PLCXD1: variants seen among roughly 807,000 people sequenced by gnomAD.
PLCXD1 encodes the protein PI-PLC X domain-containing protein 1.
In PLCXD1, 45 loss-of-function variants were observed where a neutral mutation model predicts 37.8. That is an observed-to-expected ratio of 1.19 (90% CI 0.94 to 1.53). The LOEUF (loss-of-function observed/expected upper bound fraction) is 1.53. Ranked by LOEUF, PLCXD1 falls within the 40% of genes most tolerant of loss-of-function variation. PLCXD1 has a pLI of 0.00. For synonymous variants in PLCXD1, 246 were observed against 206.9 expected (o/e 1.19, Z -1.62); for missense variants, 539 against 454.7 (o/e 1.19, Z -1.69).
Position 284,374 on chromosome X carries a change from G to A in PLCXD1, c.127+60G>A, listed in dbSNP as rs1344994025. ...ATCCCAGGTGACGGCAGGGTGGGGCGGGAGCTGTGGCGTCTGCATTCCCCA... is the reference window on the plus strand; with the variant it reads ...ATCCCAGGTGACGGCAGGGTGGGGCAGGAGCTGTGGCGTCTGCATTCCCCA... On this transcript the variant is annotated intron_variant, in intron 2 of 6. Transcript: ENST00000381657. 2.1e-5 allele frequency: 33 copies of A among 1,593,854 alleles called. 1 individual carries two copies. Among genetic ancestry groups the A allele is most frequent in the South Asian group, 1.5e-4 (14 of 90,332 alleles).
chrX:292,922 T>C, intron 5 of PLCXD1, 113 bp from the exon 6 acceptor site: 2 of 679,482 alleles, frequency 2.9e-6, no homozygotes, highest in Non-Finnish European at 4.9e-6. Context: ...CAGAATTTCA[T>C]TTTTGGTTTA....
At chrX:283,523 A>AGTGGGGGCGGCCATGGTGTCAGGCCCGG (rs1557375328) in intron 1 of PLCXD1, 10,464 of 93,696 alleles carry the variant, frequency 0.11, 1,883 homozygotes, top group Non-Finnish European at 0.13. Context: ...GCCTGAGGGT[A>AGTGGGGGCGGCCATGGTGTCAGGCCCGG]GTGGGGGCGG....
chrX:295,898 T>C (rs965344655), intron 6 of PLCXD1, among the ~76,000 whole-genome samples: 1 of 152,002 alleles, frequency 6.6e-6, no homozygotes, highest in Admixed American at 6.6e-5. Context: ...TAGAGTGCAA[T>C]GGCGCAATCT....
At chrX:285,909 G>A (rs1461245763) in intron 2 of PLCXD1, among the ~76,000 whole-genome samples, 1 of 152,110 alleles carries the variant, frequency 6.6e-6, no homozygotes, top group Non-Finnish European at 1.5e-5. Context: ...CGTCGAGACG[G>A]GAGCTTCTAA....
chrX:286,274 A>G lies in PLCXD1; in HGVS notation c.127+1960A>G, dbSNP rs1290195927. Among the ~76,000 whole-genome samples the G allele has an allele frequency of 6.6e-5, 10 of 152,152 alleles. No homozygotes were observed. The East Asian group carries it at 1.5e-3, about 23-fold the overall frequency. ...GAGATGGGGTTTCACCATGTTGGTC[A>G]AGCTGGTCTCGAACTCCCGACCTCA... On this transcript the variant is annotated intron_variant, in intron 2 of 6. Coordinates refer to ENST00000381657, the MANE Select transcript of PLCXD1 (RefSeq NM_018390.4).
At chrX:292,402 T>C (rs2069666593) in intron 5 of PLCXD1, among the ~76,000 whole-genome samples, 1 of 151,852 alleles carries the variant, frequency 6.6e-6, no homozygotes, top group African/African-American at 2.4e-5. Flanking sequence ...GAGGTTGCAG[T>C]GAGCCGAGAT....
intron 2 of PLCXD1, among the ~76,000 whole-genome samples, chrX:287,691 A>C (rs1256978277): frequency 1.4e-5 from 2 of 144,410 alleles, no homozygotes; most frequent in Non-Finnish European, 3.0e-5. Context: ...TTGTTTATAG[A>C]TATAGATACT....
intron 1 of PLCXD1, among the ~76,000 whole-genome samples, chrX:282,934 TTATATA>T (rs199798753): frequency 8.4e-6 from 1 of 118,362 alleles, no homozygotes; most frequent in South Asian, 2.5e-4. Flanking sequence ...TACATGTATG[TTATATA>T]TATATTATAT....
At chrX:286,879 A>G (rs943356109) in intron 2 of PLCXD1, among the ~76,000 whole-genome samples, 3 of 151,888 alleles carry the variant, frequency 2.0e-5, no homozygotes, top group African/African-American at 7.3e-5. Context: ...GGGCAGCAGG[A>G]GAAGTACTGG....
chrX:290,345 G>A lies in PLCXD1; in HGVS notation c.265-303G>A, dbSNP rs758321507. 3.9e-5 allele frequency among the ~76,000 whole-genome samples: 6 copies of A among 152,032 alleles called. No homozygotes were observed. The East Asian group carries it at 7.8e-4, about 20-fold the overall frequency. ...CTGGGGAGGCTGAGGCAGGAGAACG[G>A]CATGAACCCGGGAGGCGGAGCTTGC... On this transcript the variant is annotated intron_variant, in intron 3 of 6. Transcript: ENST00000381657.
At chrX:282,912 GTA>G (rs977791694) in intron 1 of PLCXD1, among the ~76,000 whole-genome samples, 59 of 140,568 alleles carry the variant, frequency 4.2e-4, no homozygotes, top group South Asian at 1.5e-3. Context: ...TATTATATAT[GTA>G]TATATGTTAT....
chrX:297,554 C>T (rs1286762977), intron 6 of PLCXD1, among the ~76,000 whole-genome samples: 1 of 52,078 alleles, frequency 1.9e-5, no homozygotes, highest in Non-Finnish European at 3.5e-5. Context: ...TCTTTGGGGA[C>T]ATTATTCTGT....
upstream of PLCXD1, among the ~76,000 whole-genome samples, chrX:279,757 G>A (rs1302694973): frequency 1.3e-5 from 2 of 148,884 alleles, no homozygotes; most frequent in East Asian, 2.0e-4. Flanking sequence ...CTGCGCAACA[G>A]AGCGAGACCC....
intron 3 of PLCXD1, among the ~76,000 whole-genome samples, chrX:289,438 C>T (rs1377028018): frequency 1.3e-5 from 2 of 151,728 alleles, no homozygotes; most frequent in African/African-American, 4.8e-5. Flanking sequence ...CGCAGGCCTC[C>T]ACTGAGAGCT....
At chrX:288,601 C>A (rs1490530578) in intron 2 of PLCXD1, 132 bp from the exon 3 acceptor site, 9 of 954,938 alleles carry the variant, frequency 9.4e-6, no homozygotes, top group Non-Finnish European at 1.5e-5. Context: ...CAGCGTGCAC[C>A]CCTCCCGCCA....
chrX:280,295 G>GC (rs2069235775), upstream of PLCXD1, among the ~76,000 whole-genome samples: 1 of 137,826 alleles, frequency 7.3e-6, no homozygotes, highest in African/African-American at 2.7e-5. Context: ...TGCAGGAGGA[G>GC]GGGAGGCCGT....
chrX:289,869 T>C (rs2069574262), intron 3 of PLCXD1, among the ~76,000 whole-genome samples: 1 of 152,104 alleles, frequency 6.6e-6, no homozygotes, highest in East Asian at 1.9e-4. Context: ...CTCGTGTCTT[T>C]AGGACCTGAG....
chrX:293,486 G>A lies in PLCXD1; in HGVS notation c.733+268G>A, dbSNP rs747014600. Among the ~76,000 whole-genome samples the A allele has an allele frequency of 7.9e-5, 12 of 152,250 alleles. No individual in the cohort carries two copies. In the East Asian group the frequency reaches 1.2e-3, roughly 15 times the overall value. ...TAGAAATAAAACTTAGCGGCCGGGC[G>A]CAGTGGTTCATGCCTGTCATCCTAG... On this transcript the variant is annotated intron_variant, in intron 6 of 6. Coordinates refer to ENST00000381657, the MANE Select transcript of PLCXD1 (RefSeq NM_018390.4).
chrX:288,588 G>T (rs765870473), intron 2 of PLCXD1, 145 bp from the exon 3 acceptor site: 4 of 830,236 alleles, frequency 4.8e-6, no homozygotes, highest in East Asian at 4.9e-5. Context: ...GAGTTTTGGG[G>T]GTCAGCGTGC....
Sources: allele counts gnomAD v4.1 joint callset (sites outside exome capture counted in the v4.1 genomes callset), GRCh38; gene constraint gnomAD v4.1.1; transcripts MANE v1.5; gene names NCBI Gene and HGNC (gene_info 2026-07-23, HGNC 2026-07-21).